The following MCOLN1 variants were observed in gnomAD, a reference collection of about 807,000 sequenced individuals.
MCOLN1 encodes mucolipin-1.
In MCOLN1, 50 loss-of-function variants were observed where a neutral mutation model predicts 70.3. The observed-to-expected ratio is 0.71, with a 90% confidence interval of 0.57 to 0.90. MCOLN1 has a LOEUF of 0.90. Ranked by LOEUF, MCOLN1 falls within the 40% of genes least tolerant of loss-of-function variation. The pLI is 0.00. For missense variants in MCOLN1, 598 were observed against 803.5 expected, an observed-to-expected ratio of 0.74 and a Z score of 3.09; for synonymous variants, 366 against 341.0, an observed-to-expected ratio of 1.07 and a Z score of -0.81.
rs1599251767 is a variant in MCOLN1 at position 7,524,305 on chromosome 19, C to T, written c.32-656C>T. On this transcript the variant is annotated intron_variant, in intron 1 of 13. Transcript: ENST00000264079. The surrounding 1 kb of genome is among the most constrained non-coding windows in gnomAD (Gnocchi z 4.1). ...TGCTTTTCAGGGAGATAAAATGAGT[C>T]TTTAGCGAATGTGTTCCATTATTAT... Among the ~76,000 whole-genome samples the T allele has an allele frequency of 6.6e-6, 1 of 152,166 alleles. No individual in the cohort carries two copies. The highest frequency in any genetic ancestry group is 6.5e-5 in the Admixed American group (1 of 15,270).
Position 7,530,370 on chromosome 19 carries a change from G to GCGCAGCAGGGC in MCOLN1, c.1453_1463dup (p.Ser488ArgfsTer96), listed in dbSNP as rs797044823. 64 of 1,613,788 alleles carry GCGCAGCAGGGC rather than the reference G, an allele frequency of 4.0e-5. No individual in the cohort carries two copies. The highest frequency in any genetic ancestry group is 5.3e-5 in the Non-Finnish European group (63 of 1,180,034). On this transcript the variant is annotated frameshift_variant, in exon 12 of 14. Transcript: ENST00000264079. LOFTEE classifies it high-confidence loss of function. Reference sequence around the variant, plus strand: ...GTTTGTGACGTTCGCCGCCATGCAGGCGCAGCAGGGCCGCAGCAGCCTGGT... The same window carrying GCGCAGCAGGGC: ...GTTTGTGACGTTCGCCGCCATGCAGGCGCAGCAGGGCCGCAGCAGGGCCGCAGCAGCCTGGT...
At chr19:7,533,329 G>A in intron 12 of MCOLN1, 194 bp from the exon 13 acceptor site, 1 of 663,466 alleles carries the variant, frequency 1.5e-6, no homozygotes, top group East Asian at 2.7e-5. Context: ...GACACAGCTT[G>A]TATCCAGGTT....
chr19:7,526,696 G>C lies in MCOLN1; in HGVS notation c.406-65G>C, dbSNP rs1490521330. ...GCGGGCAGGTGCTGGTGGGCGGGCA[G>C]GTGCAGGTGGGTGGGCTGCAGAGAG... is the stretch of plus-strand genomic sequence containing the variant. On this transcript the variant is annotated intron_variant, in intron 3 of 13. Coordinates refer to ENST00000264079, the MANE Select transcript of MCOLN1 (RefSeq NM_020533.3). This position sits in a 1 kb window ranked among gnomAD's most constrained non-coding sequence, Gnocchi z 4.6. The C allele has an allele frequency of 1.9e-6, 3 of 1,604,314 alleles. No individual in the cohort carries two copies. In the Admixed American group the frequency reaches 5.0e-5, roughly 27 times the overall value.
rs1200023877 is a variant in MCOLN1, at chr19:7,526,961, C to G, written c.571+35C>G. 3.1e-6 allele frequency: 5 copies of G among 1,613,176 alleles called. No individual in the cohort carries two copies. The highest frequency in any genetic ancestry group is 1.1e-5 in the South Asian group (1 of 91,048). On this transcript the variant is annotated intron_variant, in intron 4 of 13. Coordinates refer to ENST00000264079, the MANE Select transcript of MCOLN1 (RefSeq NM_020533.3). The surrounding 1 kb of genome is among the most constrained non-coding windows in gnomAD (Gnocchi z 4.6). ...CAGGACGAGGCTTCACTGTTGGGAGCCTGAGCTGCTGGGATTAAAATCAAC... is the reference window on the plus strand; with the variant it reads ...CAGGACGAGGCTTCACTGTTGGGAGGCTGAGCTGCTGGGATTAAAATCAAC...
Position 7,527,898 on chromosome 19 carries a change from ACCATTAACCT to A in MCOLN1, c.719_728del (p.Ile240ArgfsTer17). 1 of 1,614,126 alleles carries A rather than the reference ACCATTAACCT, an allele frequency of 6.2e-7. No homozygotes were observed. The highest frequency in any genetic ancestry group is 8.5e-7 in the Non-Finnish European group (1 of 1,180,008). On this transcript the variant is annotated frameshift_variant, in exon 6 of 14. Coordinates refer to ENST00000264079, the MANE Select transcript of MCOLN1 (RefSeq NM_020533.3). LOFTEE classifies it high-confidence loss of function. ...TGTCACCATCCACTTCCGGCTGAAG[ACCATTAACCT>A]CCAGAGCCTCATCAATAATGAGATC...
chr19:7,528,034 AC>A lies in MCOLN1; in HGVS notation c.777+75del. 1.9e-6 allele frequency: 3 copies of A among 1,539,720 alleles called. No individual in the cohort carries two copies. The highest frequency in any genetic ancestry group is 2.7e-6 in the Non-Finnish European group (3 of 1,112,714). ...CCTGGTCAGGGAGTGTCTTGGGAGC[AC>A]TGGCCAAGGGCAAGCGTGCGGGTGA... On this transcript the variant is annotated intron_variant, in intron 6 of 13. Transcript: ENST00000264079. This position sits in a 1 kb window ranked among gnomAD's most constrained non-coding sequence, Gnocchi z 4.2.
At position 7,524,990 on chromosome 19, in the gene MCOLN1, G is replaced by A. The variant is rs756440792; in HGVS notation, c.61G>A (p.Gly21Arg). The change falls in exon 2 of 14, where the codon GGG becomes AGG. Residue 21 changes from glycine to arginine, a missense_variant. Coordinates refer to ENST00000264079, the MANE Select transcript of MCOLN1 (RefSeq NM_020533.3). The surrounding 1 kb of genome is among the most constrained non-coding windows in gnomAD (Gnocchi z 4.1). ...ETERLLTPNP[G>R]YGTQAGPSPA... Reference sequence around the variant, plus strand: ...CGAGCGGCTTCTGACCCCCAACCCCGGGTATGGGACCCAGGCGGGGCCTTC... The same window carrying A: ...CGAGCGGCTTCTGACCCCCAACCCCAGGTATGGGACCCAGGCGGGGCCTTC... The A allele has an allele frequency of 3.8e-5, 61 of 1,613,656 alleles. No individual in the cohort carries two copies. The Admixed American group carries it at 5.8e-4, about 15-fold the overall frequency.
chr19:7,528,510 C>T lies in MCOLN1; in HGVS notation c.878-87C>T. ...CAACCAAAACCAGCCGTGCAGCCCC[C>T]TAGGTCTCCAGCCTGGCCTGGCACC... On this transcript the variant is annotated intron_variant, in intron 7 of 13. Coordinates refer to ENST00000264079, the MANE Select transcript of MCOLN1 (RefSeq NM_020533.3). This position sits in a 1 kb window ranked among gnomAD's most constrained non-coding sequence, Gnocchi z 4.2. 6 of 1,565,100 alleles carry T rather than the reference C, an allele frequency of 3.8e-6. No individual in the cohort carries two copies. Among genetic ancestry groups the T allele is most frequent in the Non-Finnish European group, 4.4e-6 (5 of 1,146,862 alleles).
Position 7,525,064 on chromosome 19 carries a change from C to G in MCOLN1, c.135C>G (p.Leu45=), listed in dbSNP as rs775399085. The G allele has an allele frequency of 1.2e-5, 19 of 1,614,156 alleles. No individual in the cohort carries two copies. The South Asian group carries it at 1.8e-4, about 15-fold the overall frequency. Reference sequence around the variant, plus strand: ...AAGAGGAAGACCTTCGCCGTCGTCTCAAATACTTTTTCATGAGTCCCTGCG... The same window carrying G: ...AAGAGGAAGACCTTCGCCGTCGTCTGAAATACTTTTTCATGAGTCCCTGCG... ...PPEEEDLRRR[L]KYFFMSPCDK... is the part of the protein sequence containing the mutation. Residue 45 remains leucine (L), a synonymous_variant, in exon 2 of 14, where the codon CTC becomes CTG. Transcript: ENST00000264079. The surrounding 1 kb of genome is among the most constrained non-coding windows in gnomAD (Gnocchi z 4.2).
rs999063846 is a variant in MCOLN1 at position 7,525,181 on chromosome 19, G to A, written c.237+15G>A. On this transcript the variant is annotated intron_variant, in intron 2 of 13. Coordinates refer to ENST00000264079, the MANE Select transcript of MCOLN1 (RefSeq NM_020533.3). This position sits in a 1 kb window ranked among gnomAD's most constrained non-coding sequence, Gnocchi z 4.2. The stretch of plus-strand genomic sequence containing the variant: ...TCACGGTGCAGGTGAGGCCAGCCAA[G>A]CAGGGGCCCCAGCTGAAGGCCACCT... 3 of 1,613,138 alleles carry A rather than the reference G, an allele frequency of 1.9e-6. No homozygotes were observed. The highest frequency in any genetic ancestry group is 2.7e-5 in the African/African-American group (2 of 74,936).
rs1232905791 is a variant in MCOLN1, at chr19:7,530,351, G to A, written c.1425G>A (p.Val475=). ...TCATCAATGGGGACGACATGTTTGT[G>A]ACGTTCGCCGCCATGCAGGCGCAGC... ...FSLINGDDMF[V]TFAAMQAQQG... Residue 475 remains valine, a synonymous_variant, in exon 12 of 14, where the codon GTG becomes GTA. Coordinates refer to ENST00000264079, the MANE Select transcript of MCOLN1 (RefSeq NM_020533.3). 1 of 1,613,886 alleles carries A rather than the reference G, an allele frequency of 6.2e-7. No homozygotes were observed. The highest frequency in any genetic ancestry group is 2.2e-5 in the East Asian group (1 of 44,884).
At chr19:7,533,244 G>A in intron 12 of MCOLN1, 2 of 563,074 alleles carry the variant, frequency 3.6e-6, no homozygotes, top group East Asian at 6.0e-5. Flanking sequence ...TCTGAGCATC[G>A]AGGTCATGTC....
chr19:7,533,441 T>C, intron 12 of MCOLN1, 82 bp from the exon 13 acceptor site: 2 of 1,580,680 alleles, frequency 1.3e-6, no homozygotes, highest in Non-Finnish European at 1.7e-6. Flanking sequence ...GATGCAGATA[T>C]GGCTGGAGGG....
chr19:7,525,271 C>T lies in MCOLN1; in HGVS notation c.237+105C>T, dbSNP rs745795996. On this transcript the variant is annotated intron_variant, in intron 2 of 13. Coordinates refer to ENST00000264079, the MANE Select transcript of MCOLN1 (RefSeq NM_020533.3). This position sits in a 1 kb window ranked among gnomAD's most constrained non-coding sequence, Gnocchi z 4.2. ...CTTTGGAAGGCCGAGGCCGGTGGAT[C>T]GCTTGAGGCTGGGAGTTCAAGACCA... 74 of 1,040,970 alleles carry T rather than the reference C, an allele frequency of 7.1e-5. 2 individuals carry two copies. In the Middle Eastern group the frequency reaches 2.4e-3, roughly 34 times the overall value. The allele number at this position is 1,040,970 out of a possible 1,614,324, so 64.5% of individuals were successfully genotyped here.
chr19:7,529,505 C>CCCCCCCCCCCCCCCCCCCCTGGGGG, intron 10 of MCOLN1, 85 bp from the exon 11 acceptor site: 2 of 755,742 alleles, frequency 2.6e-6, no homozygotes, highest in Non-Finnish European at 4.5e-6. Context: ...GGCAAGGCCC[C>CCCCCCCCCCCCCCCCCCCCTGGGGG]GCCCCTCCCA....
Position 7,527,979 on chromosome 19 carries a change from C to G in MCOLN1, c.777+19C>G, listed in dbSNP as rs370816638. ...CGTCCTGGTGAGGCCCCCCGGGAAC[C>G]CACAGGGCTCCTGAGTTCCAGGGCA... is the stretch of plus-strand genomic sequence containing the variant. On this transcript the variant is annotated intron_variant, in intron 6 of 13. Transcript: ENST00000264079. 4.9e-5 allele frequency: 79 copies of G among 1,601,994 alleles called. 2 individuals carry two copies. The Middle Eastern group carries it at 8.3e-4, about 17-fold the overall frequency.
At position 7,528,992 on chromosome 19, in the gene MCOLN1, G is replaced by A; in HGVS notation, c.1134+22G>A. The A allele has an allele frequency of 6.2e-7, 1 of 1,614,010 alleles. No homozygotes were observed. Among genetic ancestry groups the A allele is most frequent in the Non-Finnish European group, 8.5e-7 (1 of 1,180,008 alleles). On this transcript the variant is annotated intron_variant, in intron 9 of 13. Coordinates refer to ENST00000264079, the MANE Select transcript of MCOLN1 (RefSeq NM_020533.3). The surrounding 1 kb of genome is among the most constrained non-coding windows in gnomAD (Gnocchi z 4.2). Reference sequence around the variant, plus strand: ...CAAGGTGCGTCCTGCCAACACCCTGGGCCCCAGGTCCCATCCCTGCTGTCA... The same window carrying A: ...CAAGGTGCGTCCTGCCAACACCCTGAGCCCCAGGTCCCATCCCTGCTGTCA...
intron 12 of MCOLN1, among the ~76,000 whole-genome samples, chr19:7,531,070 T>C (rs2022648014): frequency 6.6e-6 from 1 of 152,092 alleles, no homozygotes; most frequent in South Asian, 2.1e-4. Flanking sequence ...GTATTGTTCT[T>C]TATTTTATTA....
rs759359488 is a variant in MCOLN1 at position 7,528,570 on chromosome 19, G to T, written c.878-27G>T. ...CTCCCAAGGCTCCATGCCATCCTTG[G>T]CCCTACCCGCTCTGCCCTCCCCGCA... On this transcript the variant is annotated intron_variant, in intron 7 of 13. Coordinates refer to ENST00000264079, the MANE Select transcript of MCOLN1 (RefSeq NM_020533.3). This position sits in a 1 kb window ranked among gnomAD's most constrained non-coding sequence, Gnocchi z 4.2. 1 of 1,613,616 alleles carries T rather than the reference G, an allele frequency of 6.2e-7. No individual in the cohort carries two copies. The highest frequency in any genetic ancestry group is 8.5e-7 in the Non-Finnish European group (1 of 1,179,988).
Sources: gnomAD v4.1 joint callset for allele counts (sites outside exome capture counted in the v4.1 genomes callset) on GRCh38, gnomAD v4.1.1 for gene constraint, Gnocchi (gnomAD v3.1) non-coding constraint, MANE v1.5 for transcripts, NCBI Gene and HGNC (gene_info 2026-07-23, HGNC 2026-07-21) for gene names.